JARID2: variants seen among roughly 807,000 people sequenced by gnomAD.
JARID2 encodes protein Jumonji.
Under a neutral mutation model 125.6 loss-of-function variants are expected in JARID2, and 21 were observed. The observed-to-expected ratio is 0.17, with a 90% CI of 0.12 to 0.24. The LOEUF is 0.24. Among genes scored for constraint, JARID2 ranks in the 10% least tolerant of loss-of-function variants. JARID2 has a pLI of 1.00. For missense variants in JARID2, 1,303 were observed against 1,639.6 expected (o/e 0.79, Z 3.55); for synonymous variants, 736 against 661.6 (o/e 1.11, Z -1.73).
chr6:15,400,379 CAAATA>C (rs1765378829), intron 2 of JARID2, among the ~76,000 whole-genome samples: 1 of 150,554 alleles, frequency 6.6e-6, no homozygotes, highest in South Asian at 2.1e-4. Context: ...GCCAAAAAAA[CAAATA>C]AAAATAAATA....
chr6:15,280,763 G>A (rs1760720303), intron 1 of JARID2, among the ~76,000 whole-genome samples: 1 of 151,688 alleles, frequency 6.6e-6, no homozygotes, highest in Admixed American at 6.6e-5. Context: ...CGAATAGCTG[G>A]GATTACAAGA....
chr6:15,400,516 C>T (rs533352389), intron 2 of JARID2, among the ~76,000 whole-genome samples: 3 of 152,040 alleles, frequency 2.0e-5, no homozygotes, highest in Non-Finnish European at 4.4e-5. Context: ...GGCATCTGAC[C>T]GGCTGGGGAC....
chr6:15,475,645 T>C (rs367657912), intron 5 of JARID2, among the ~76,000 whole-genome samples: 1 of 152,202 alleles, frequency 6.6e-6, no homozygotes, highest in East Asian at 1.9e-4. Flanking sequence ...TTCCCTGATT[T>C]TGGAGTGCCT....
At chr6:15,292,177 C>A (rs867108741) in intron 1 of JARID2, among the ~76,000 whole-genome samples, 1 of 151,962 alleles carries the variant, frequency 6.6e-6, no homozygotes, top group Non-Finnish European at 1.5e-5. Flanking sequence ...CCACCTCGCC[C>A]GGCTAATTTT....
intron 3 of JARID2, among the ~76,000 whole-genome samples, chr6:15,450,079 T>TTAA (rs1767851314): frequency 6.6e-6 from 1 of 152,204 alleles, no homozygotes; most frequent in African/African-American, 2.4e-5. Flanking sequence ...CATCAACAGT[T>TTAA]TAAGATAAAT....
chr6:15,400,834 TA>T, intron 2 of JARID2: 1 of 1,272,958 alleles, frequency 7.9e-7, no homozygotes, highest in Non-Finnish European at 1.0e-6. Flanking sequence ...GCTTGCTTAT[TA>T]CGTACAGGGG....
At chr6:15,285,926 G>A (rs1234751932) in intron 1 of JARID2, among the ~76,000 whole-genome samples, 1 of 152,236 alleles carries the variant, frequency 6.6e-6, no homozygotes, top group African/African-American at 2.4e-5. Flanking sequence ...GCAGCAGGTT[G>A]ACAGTGGTTG....
chr6:15,315,628 T>A (rs1046652412), intron 1 of JARID2, among the ~76,000 whole-genome samples: 1 of 152,206 alleles, frequency 6.6e-6, no homozygotes, highest in South Asian at 2.1e-4. Context: ...TGAGATATCT[T>A]CATCTGCTTC....
At chr6:15,257,554 G>T (rs949889607) in intron 1 of JARID2, among the ~76,000 whole-genome samples, 3 of 152,080 alleles carry the variant, frequency 2.0e-5, no homozygotes, top group Non-Finnish European at 4.4e-5. Flanking sequence ...ACAGATTTGG[G>T]GCTGTTGTAC....
chr6:15,332,509 C>T (rs1052336078), intron 1 of JARID2, among the ~76,000 whole-genome samples: 1 of 152,172 alleles, frequency 6.6e-6, no homozygotes, highest in African/African-American at 2.4e-5. Flanking sequence ...CCAAATTACT[C>T]CTAACTTCCC....
At chr6:15,321,783 G>GTTTTTTTTTT (rs71687714) in intron 1 of JARID2, among the ~76,000 whole-genome samples, 1 of 68,474 alleles carries the variant, frequency 1.5e-5, no homozygotes, top group Non-Finnish European at 2.6e-5. Flanking sequence ...AAGAATTCTT[G>GTTTTTTTTTT]TTTTTTTTTT....
chr6:15,380,712 T>A (rs1319660827), intron 2 of JARID2, among the ~76,000 whole-genome samples: 1 of 152,148 alleles, frequency 6.6e-6, no homozygotes, highest in Non-Finnish European at 1.5e-5. Flanking sequence ...AATTTTGAAC[T>A]CCTTTCAGAA....
chr6:15,367,570 A>G (rs1764023851), intron 1 of JARID2, among the ~76,000 whole-genome samples: 1 of 152,206 alleles, frequency 6.6e-6, no homozygotes, highest in African/African-American at 2.4e-5. Context: ...TTGAAATTTT[A>G]CTTCCTGATC....
At chr6:15,511,554 C>G (rs2235259) in intron 13 of JARID2, among the ~76,000 whole-genome samples, 153 bp downstream of exon 13, 38,975 of 152,168 alleles carry the variant, frequency 0.26, 5,021 homozygotes, top group Middle Eastern at 0.34. Context: ...ACACAAAAGC[C>G]AAACTGACCT....
intron 2 of JARID2, among the ~76,000 whole-genome samples, chr6:15,407,604 G>GT (rs1408668552): frequency 6.6e-6 from 1 of 152,094 alleles, no homozygotes; most frequent in Non-Finnish European, 1.5e-5. Flanking sequence ...TATTTAGTTC[G>GT]TTTTTTATAC....
At chr6:15,336,101 ATG>A (rs1762868193) in intron 1 of JARID2, among the ~76,000 whole-genome samples, 3 of 149,026 alleles carry the variant, frequency 2.0e-5, no homozygotes, top group African/African-American at 2.4e-5. Context: ...GAATGAATGA[ATG>A]AATGAATGAA....
At chr6:15,296,805 G>C (rs1413228978) in intron 1 of JARID2, among the ~76,000 whole-genome samples, 1 of 152,226 alleles carries the variant, frequency 6.6e-6, no homozygotes, top group Non-Finnish European at 1.5e-5. Flanking sequence ...CATCTTGGGT[G>C]TTCCCAGCCC....
chr6:15,342,854 G>A (rs900601489), intron 1 of JARID2, among the ~76,000 whole-genome samples: 1 of 152,136 alleles, frequency 6.6e-6, no homozygotes, highest in African/African-American at 2.4e-5. Context: ...ACTAAGTTAG[G>A]AAATTATTAC....
intron 1 of JARID2, among the ~76,000 whole-genome samples, chr6:15,287,617 C>A (rs78486246): frequency 0.012 from 1,787 of 152,256 alleles, 23 homozygotes; most frequent in Non-Finnish European, 0.016. Context: ...GGGACTGTTT[C>A]CCTATTCAAG....
Sources: allele counts gnomAD v4.1 joint callset (sites outside exome capture counted in the v4.1 genomes callset), GRCh38; gene constraint gnomAD v4.1.1; transcripts MANE v1.5; gene names NCBI Gene and HGNC (gene_info 2026-07-23, HGNC 2026-07-21).